The following UGT2B4 variants were observed in gnomAD, a reference collection of about 807,000 sequenced individuals.
UGT2B4 encodes the protein UDP glucuronosyltransferase family 2 member B4, also known as UDP-glucuronosyltransferase 2B4.
A neutral mutation model predicts 49.8 loss-of-function variants in UGT2B4; 49 were observed. The observed-to-expected ratio is 0.98, with a 90% CI of 0.78 to 1.25. The LOEUF (loss-of-function observed/expected upper bound fraction) is 1.25. Among genes scored for constraint, UGT2B4 ranks in the 50% most tolerant of loss-of-function variants. The probability of loss-of-function intolerance (pLI) is 0.00; values close to 1 mark genes in which losing one functional copy is unlikely to be tolerated. For synonymous variants in UGT2B4, 246 were observed against 217.7 expected, an observed-to-expected ratio of 1.13 and a Z score of -1.14; for missense variants, 729 against 627.7, an observed-to-expected ratio of 1.16 and a Z score of -1.73.
At chr4:69,515,931 G>A (rs1320324397) in intron 1 of UGT2B4, among the ~76,000 whole-genome samples, 1 of 152,156 alleles carries the variant, frequency 6.6e-6, no homozygotes, top group African/African-American at 2.4e-5. Context: ...TTGCTGCACA[G>A]ATCAACCCAT....
intron 3 of UGT2B4, among the ~76,000 whole-genome samples, chr4:69,486,997 A>G (rs1195807727): frequency 1.3e-5 from 2 of 152,206 alleles, no homozygotes; most frequent in Admixed American, 1.3e-4. Context: ...CACTATATGA[A>G]AAAAAGGTTT....
At chr4:69,520,548 C>A (rs1322567504) in intron 1 of UGT2B4, among the ~76,000 whole-genome samples, 1 of 152,226 alleles carries the variant, frequency 6.6e-6, no homozygotes, top group Non-Finnish European at 1.5e-5. Context: ...TGCCAGCTCC[C>A]GCTGCCTGGC....
chr4:69,485,962 T>G (rs921694166), intron 4 of UGT2B4, among the ~76,000 whole-genome samples: 1 of 152,096 alleles, frequency 6.6e-6, no homozygotes, highest in Non-Finnish European at 1.5e-5. Context: ...AGTTTCACCA[T>G]GTTGCCCAGG....
chr4:69,490,137 AAG>A, intron 2 of UGT2B4, among the ~76,000 whole-genome samples: 1 of 152,160 alleles, frequency 6.6e-6, no homozygotes, highest in Non-Finnish European at 1.5e-5. Context: ...CTTTTTTCAA[AAG>A]AGAAAAAAAA....
chr4:69,508,639 T>A lies in UGT2B4; in HGVS notation c.-105-12673A>T, dbSNP rs779009316. On this transcript the variant is annotated intron_variant, in intron 1 of 1. Coordinates refer to the UGT2B4 transcript ENST00000510114. ...AATACTGCAGGTCCTTATCTGTAAG[T>A]GGCAGCTAAATGATGAGAACACATG... Among the ~76,000 whole-genome samples the A allele has an allele frequency of 2.0e-4, 31 of 152,206 alleles. No individual in the cohort carries two copies. The East Asian group carries it at 2.1e-3, about 10-fold the overall frequency.
Position 69,480,929 on chromosome 4 carries a change from A to C in UGT2B4, c.1311-19T>G. The stretch of plus-strand genomic sequence containing the variant: ...TTTATATCTAAACGATAAGCAGAAA[A>C]GTATCAACATTGAAAGTAAGTTAAT... On this transcript the variant is annotated intron_variant, in intron 5 of 5. Transcript: ENST00000305107. 1 of 1,609,886 alleles carries C rather than the reference A, an allele frequency of 6.2e-7. No individual in the cohort carries two copies.
chr4:69,495,169 C>G lies in UGT2B4; in HGVS notation c.693G>C (p.Lys231Asn). 6.4e-7 allele frequency: 1 copy of G among 1,574,346 alleles called. No homozygotes were observed. ...GAACTTCACTGTAGAACTGATCCCACTTCTTCATGTCAAATATTTGGAACC... is the reference window on the plus strand; with the variant it reads ...GAACTTCACTGTAGAACTGATCCCAGTTCTTCATGTCAAATATTTGGAACC... ...EFWFQIFDMKKWDQFYSEVLG... is the reference protein window; with the variant it reads ...EFWFQIFDMKNWDQFYSEVLG... Residue 231 changes from lysine to asparagine, a missense_variant, in exon 1 of 6, where the codon AAG becomes AAC. Physicochemically the swap from Lys to Asn is moderately conservative, Grantham distance 94. Coordinates refer to ENST00000305107, the MANE Select transcript of UGT2B4 (RefSeq NM_021139.3).
At chr4:69,521,898 T>G (rs1308350895) in intron 1 of UGT2B4, among the ~76,000 whole-genome samples, 2 of 152,180 alleles carry the variant, frequency 1.3e-5, no homozygotes, top group Non-Finnish European at 2.9e-5. Context: ...TCACAGAAAT[T>G]TTGTCACTGT....
At chr4:69,487,540 C>G (rs1908406) in intron 3 of UGT2B4, among the ~76,000 whole-genome samples, 92,566 of 151,806 alleles carry the variant, frequency 0.61, 29,397 homozygotes, top group Admixed American at 0.72. Context: ...GAAGCTAAAA[C>G]ATGAGAACAC....
At chr4:69,505,636 G>A (rs1487953056) in intron 1 of UGT2B4, among the ~76,000 whole-genome samples, 1 of 152,006 alleles carries the variant, frequency 6.6e-6, no homozygotes, top group Non-Finnish European at 1.5e-5. Context: ...TAATTCCCCC[G>A]TGGCAATATT....
At chr4:69,507,144 A>T (rs531064244) in intron 1 of UGT2B4, among the ~76,000 whole-genome samples, 96 of 152,292 alleles carry the variant, frequency 6.3e-4, no homozygotes, top group African/African-American at 2.3e-3. Flanking sequence ...AGCTGGAGAG[A>T]TTTCCCTTGA....
rs111641582 is a variant in UGT2B4, at chr4:69,521,827, C to T, written c.-106+3860G>A. The stretch of plus-strand genomic sequence containing the variant: ...ATATGAAGGTAGCTAACATGATCAC[C>T]TTAAATTCTATAAAGCAGGAATTTT... On this transcript the variant is annotated intron_variant, in intron 1 of 1. Transcript: ENST00000510114. 1.8e-4 allele frequency among the ~76,000 whole-genome samples: 27 copies of T among 152,274 alleles called. 1 individual carries two copies. Among genetic ancestry groups the T allele is most frequent in the African/African-American group, 6.0e-4 (25 of 41,540 alleles).
At chr4:69,488,299 G>A (rs1271717650) in intron 3 of UGT2B4, among the ~76,000 whole-genome samples, 3 of 152,034 alleles carry the variant, frequency 2.0e-5, no homozygotes, top group Non-Finnish European at 4.4e-5. Flanking sequence ...CTTAGAAAAT[G>A]TGCTACAAAA....
At chr4:69,500,870 G>A (rs754795991), upstream of UGT2B4, among the ~76,000 whole-genome samples, 8 of 152,162 alleles carry the variant, frequency 5.3e-5, no homozygotes, top group Non-Finnish European at 1.0e-4. Flanking sequence ...GACACACAGA[G>A]CTACATGGAG....
In UGT2B4 at chr4:69,495,437, T is replaced by G; in HGVS notation, c.425A>C (p.Glu142Ala). 1.2e-6 allele frequency: 2 copies of G among 1,613,770 alleles called. No homozygotes were observed. Among genetic ancestry groups the G allele is most frequent in the Non-Finnish European group, 1.7e-6 (2 of 1,179,890 alleles). The change falls in exon 1 of 6, where the codon GAG becomes GCG. Residue 142 changes from glutamate (E) to alanine (A), a missense_variant. Transcript: ENST00000305107. ...SNKKLMKKLQ[E>A]SRFDVVLADA... is the part of the protein sequence containing the mutation. ...TGCAAGAACAACATCAAATCTTGAC[T>G]CCTGTAGTTTCTTCATAAGTTTCTT... is the stretch of plus-strand genomic sequence containing the variant.
In UGT2B4 at chr4:69,489,583, A is replaced by AG; in HGVS notation, c.871-14dup. 2 of 1,600,346 alleles carry AG rather than the reference A, an allele frequency of 1.2e-6. No homozygotes were observed. Among genetic ancestry groups the AG allele is most frequent in the Non-Finnish European group, 1.7e-6 (2 of 1,174,648 alleles). On this transcript the variant is annotated splice_polypyrimidine_tract_variant and intron_variant, in intron 2 of 5. Transcript: ENST00000305107. ...ACTCTTCCATTTCCTGTGAAAAAAA[A>AG]GAATTTGTTCTATCATAATAGATTA...
intron 1 of UGT2B4, among the ~76,000 whole-genome samples, chr4:69,517,036 G>A (rs990802876): frequency 6.6e-6 from 1 of 151,942 alleles, no homozygotes; most frequent in African/African-American, 2.4e-5. Context: ...TTGTCAGATG[G>A]ATAGGTTTCA....
In UGT2B4 at chr4:69,484,006, A is replaced by G. The variant is rs1378016949; in HGVS notation, c.1310+1202T>C. Among the ~76,000 whole-genome samples the G allele has an allele frequency of 2.0e-5, 3 of 152,302 alleles. No homozygotes were observed. The East Asian group carries it at 5.8e-4, about 29-fold the overall frequency. On this transcript the variant is annotated intron_variant, in intron 5 of 5. Coordinates refer to ENST00000305107, the MANE Select transcript of UGT2B4 (RefSeq NM_021139.3). ...AAATGTTTCAAAGATTAAAATAGAC[A>G]TTTTTCCAAAGAATGTATATGCATG...
At chr4:69,519,408 G>GA (rs553218533) in intron 1 of UGT2B4, among the ~76,000 whole-genome samples, 7 of 151,818 alleles carry the variant, frequency 4.6e-5, no homozygotes, top group South Asian at 4.1e-4. Context: ...TCTGAGATCA[G>GA]AAAAAAAATA....
Sources: gnomAD v4.1 joint callset for allele counts (sites outside exome capture counted in the v4.1 genomes callset) on GRCh38, gnomAD v4.1.1 for gene constraint, MANE v1.5 for transcripts, NCBI Gene and HGNC (gene_info 2026-07-23, HGNC 2026-07-21) for gene names.